Variants in SPON1 observed in about 807,000 individuals in gnomAD.
SPON1 encodes spondin-1.
Under a neutral mutation model 111.7 loss-of-function variants are expected in SPON1, and 52 were observed. That is an observed-to-expected ratio of 0.47 (90% CI 0.37 to 0.59). The LOEUF is 0.59. Among genes scored for constraint, SPON1 ranks in the 20% least tolerant of loss-of-function variants. SPON1 has a pLI of 0.00. For missense variants in SPON1, 957 were observed against 1,068.5 expected (o/e 0.90, Z 1.46); for synonymous variants, 410 against 395.8 (o/e 1.04, Z -0.43).
chr11:14,163,414 C>T (rs1847990444), intron 6 of SPON1, among the ~76,000 whole-genome samples: 1 of 152,124 alleles, frequency 6.6e-6, no homozygotes, highest in South Asian at 2.1e-4. Flanking sequence ...GTGGTGGGCT[C>T]CCGCCTGTCA....
rs1564944794 is a variant in SPON1 at position 14,262,918 on chromosome 11, C to G, written c.2203C>G (p.Arg735Gly). 1 of 1,613,740 alleles carries G rather than the reference C, an allele frequency of 6.2e-7. No individual in the cohort carries two copies. Among genetic ancestry groups the G allele is most frequent in the Non-Finnish European group, 8.5e-7 (1 of 1,179,868 alleles). Reference sequence around the variant, plus strand: ...CCAAAAGCTACGCTGGAGGGAGGCCCGAGAGAGCCGGCGGAGTGAGCAGCT... The same window carrying G: ...CCAAAAGCTACGCTGGAGGGAGGCCGGAGAGAGCCGGCGGAGTGAGCAGCT... ...SIQKLRWREARESRRSEQLKE... is the reference protein window; with the variant it reads ...SIQKLRWREAGESRRSEQLKE... The change falls in exon 15 of 16, where the codon CGA becomes GGA. Residue 735 changes from arginine to glycine, a missense_variant. Physicochemically the swap from Arg to Gly is moderately radical, Grantham distance 125. Coordinates refer to ENST00000576479, the MANE Select transcript of SPON1 (RefSeq NM_006108.4).
At chr11:14,014,761 G>A (rs551523671) in intron 2 of SPON1, among the ~76,000 whole-genome samples, 3 of 152,288 alleles carry the variant, frequency 2.0e-5, no homozygotes, top group East Asian at 1.9e-4. Context: ...CAGGTCAGAG[G>A]CCTGCCTCTT....
chr11:13,964,189 G>T (rs1847997844), intron 1 of SPON1, among the ~76,000 whole-genome samples: 1 of 152,224 alleles, frequency 6.6e-6, no homozygotes, highest in Non-Finnish European at 1.5e-5. Flanking sequence ...CCGGGTGGGG[G>T]ACAGGTAACC....
intron 5 of SPON1, among the ~76,000 whole-genome samples, chr11:14,119,243 C>T (rs1012756814): frequency 6.6e-6 from 1 of 151,842 alleles, no homozygotes; most frequent in African/African-American, 2.4e-5. Context: ...GCAGGTACTT[C>T]GTGTAGAAGG....
intron 6 of SPON1, among the ~76,000 whole-genome samples, chr11:14,242,628 C>A (rs1382459925): frequency 6.6e-6 from 1 of 152,234 alleles, no homozygotes; most frequent in Non-Finnish European, 1.5e-5. Flanking sequence ...GCAAAATCAA[C>A]AAAGTTCTGA....
At chr11:14,005,917 C>T (rs1554913056) in intron 2 of SPON1, among the ~76,000 whole-genome samples, 1 of 152,012 alleles carries the variant, frequency 6.6e-6, no homozygotes, top group Non-Finnish European at 1.5e-5. Context: ...TTTCTTCCTG[C>T]TTGGAAAAGG....
chr11:14,062,583 G>A (rs1450262567), intron 3 of SPON1, among the ~76,000 whole-genome samples: 2 of 152,164 alleles, frequency 1.3e-5, no homozygotes, highest in Non-Finnish European at 2.9e-5. Context: ...GTGAATTGTA[G>A]ATTTTCAAGA....
chr11:14,210,198 C>T (rs1475599140), intron 6 of SPON1, among the ~76,000 whole-genome samples: 1 of 152,024 alleles, frequency 6.6e-6, no homozygotes, highest in Admixed American at 6.6e-5. Context: ...AAATTCTCTC[C>T]CATTCTGTAG....
intron 5 of SPON1, among the ~76,000 whole-genome samples, chr11:14,098,796 T>A (rs1849122244): frequency 6.6e-6 from 1 of 152,198 alleles, no homozygotes; most frequent in Non-Finnish European, 1.5e-5. Flanking sequence ...ATGAAATGCA[T>A]CTGGCTTTGA....
rs2303973 is a variant in SPON1, at chr11:14,243,370, A to G, written c.864A>G (p.Gln288=). The change falls in exon 7 of 16, where the codon CAA becomes CAG. Residue 288 remains glutamine, a synonymous_variant. Transcript: ENST00000576479. The stretch of plus-strand genomic sequence containing the variant: ...TCACCGTCATCAAAGCCAAAGCCCA[A>G]TGGCCAGCCTGGCAGCCTCTCAACG... The part of the protein sequence containing the change: ...EVLTVIKAKA[Q]WPAWQPLNVR... 0.46 allele frequency: 733,683 copies of G among 1,580,166 alleles called. 173,179 individuals are homozygous for G. The highest frequency in any genetic ancestry group is 0.61 in the Admixed American group (33,326 of 54,838).
At chr11:14,256,813 T>C in intron 10 of SPON1, 121 bp downstream of exon 10, 1 of 733,516 alleles carries the variant, frequency 1.4e-6, no homozygotes, top group Non-Finnish European at 2.3e-6. Flanking sequence ...ATCATATCTC[T>C]GAGGATTTCT....
chr11:14,224,810 C>G, intron 6 of SPON1: 1 of 419,980 alleles, frequency 2.4e-6, no homozygotes, highest in Non-Finnish European at 4.7e-6. Flanking sequence ...GGGCTCCATG[C>G]TGAACAAAAT....
At chr11:14,047,221 G>A (rs1554917921) in intron 3 of SPON1, among the ~76,000 whole-genome samples, 1 of 152,022 alleles carries the variant, frequency 6.6e-6, no homozygotes, top group African/African-American at 2.4e-5. Context: ...TTGCATAGTA[G>A]TATTCATGCT....
At chr11:14,034,669 A>T (rs1554916433) in intron 2 of SPON1, among the ~76,000 whole-genome samples, 2 of 152,124 alleles carry the variant, frequency 1.3e-5, no homozygotes, top group African/African-American at 4.8e-5. Flanking sequence ...TCCCCCTGGG[A>T]TCTTGGTCAG....
chr11:14,155,364 C>T (rs78955995), intron 6 of SPON1, among the ~76,000 whole-genome samples: 1 of 152,106 alleles, frequency 6.6e-6, no homozygotes, highest in African/African-American at 2.4e-5. Context: ...ACAGGCTATA[C>T]AGGAAGCATG....
In SPON1 at chr11:14,237,457, A is replaced by G. The variant is rs531775318; in HGVS notation, c.826-5875A>G. Among the ~76,000 whole-genome samples the G allele has an allele frequency of 2.4e-4, 36 of 152,300 alleles. 1 individual carries two copies. The South Asian group carries it at 7.0e-3, about 30-fold the overall frequency. On this transcript the variant is annotated intron_variant, in intron 6 of 15. Coordinates refer to ENST00000576479, the MANE Select transcript of SPON1 (RefSeq NM_006108.4). ...GATGGAGAAGAAGGACAGTCAGGGAAAGTGGAAAGAATGTGAGTTTGGAGT... is the reference window on the plus strand; with the variant it reads ...GATGGAGAAGAAGGACAGTCAGGGAGAGTGGAAAGAATGTGAGTTTGGAGT...
At chr11:14,010,021 C>T (rs1485004753) in intron 2 of SPON1, among the ~76,000 whole-genome samples, 1 of 152,176 alleles carries the variant, frequency 6.6e-6, no homozygotes, top group East Asian at 1.9e-4. Flanking sequence ...CCACTATATT[C>T]CCAGTGCTTA....
intron 9 of SPON1, 138 bp downstream of exon 9, chr11:14,255,925 T>A: frequency 4.4e-6 from 4 of 899,694 alleles, no homozygotes; most frequent in Non-Finnish European, 4.9e-6. Context: ...CCTCCCCAGG[T>A]TTCTAACATG....
At position 14,075,384 on chromosome 11, in the gene SPON1, T is replaced by C; in HGVS notation, c.519T>C (p.Asp173=). The C allele has an allele frequency of 6.4e-7, 1 of 1,560,632 alleles. No homozygotes were observed. The highest frequency in any genetic ancestry group is 8.7e-7 in the Non-Finnish European group (1 of 1,151,344). Residue 173 remains aspartate (D), a synonymous_variant, in exon 4 of 16, where the codon GAT becomes GAC. Coordinates refer to ENST00000576479, the MANE Select transcript of SPON1 (RefSeq NM_006108.4). The part of the protein sequence containing the change: ...IVQKRIIYFQ[D]EGSLTKKLCE... ...AAAAACGCATTATTTATTTTCAAGA[T>C]GAGGGCTCTCTGACCAAGAAACTTT...
Sources: gnomAD v4.1 joint callset for allele counts (sites outside exome capture counted in the v4.1 genomes callset) on GRCh38, gnomAD v4.1.1 for gene constraint, MANE v1.5 for transcripts, NCBI Gene and HGNC (gene_info 2026-07-23, HGNC 2026-07-21) for gene names.